The following GMPR variants were observed in gnomAD, a reference collection of about 807,000 sequenced individuals.
GMPR encodes the protein guanosine monophosphate reductase, also known as GMP reductase 1.
In GMPR, 31 loss-of-function variants were observed where a neutral mutation model predicts 38.4. That is an observed-to-expected ratio of 0.81 (90% confidence interval 0.61 to 1.09). The LOEUF (loss-of-function observed/expected upper bound fraction) is 1.09. GMPR is among the 50% of genes least tolerant of loss of function. The pLI, the probability that GMPR is intolerant of heterozygous loss-of-function variation, is 0.00. For synonymous variants in GMPR, 162 were observed against 173.3 expected, an observed-to-expected ratio of 0.93 and a Z score of 0.51; for missense variants, 468 against 453.7, an observed-to-expected ratio of 1.03 and a Z score of -0.29.
intron 4 of GMPR, among the ~76,000 whole-genome samples, chr6:16,257,176 C>G (rs953839271): frequency 7.9e-5 from 12 of 152,170 alleles, no homozygotes; most frequent in African/African-American, 2.4e-4. Context: ...GAGGCCTTCA[C>G]AGAAACCCCC....
At chr6:16,245,816 G>C (rs941699679) in intron 1 of GMPR, among the ~76,000 whole-genome samples, 1 of 152,226 alleles carries the variant, frequency 6.6e-6, no homozygotes, top group Non-Finnish European at 1.5e-5. Context: ...GGGAAAGCTG[G>C]AACAAGGAAT....
intron 4 of GMPR, among the ~76,000 whole-genome samples, chr6:16,268,856 T>C (rs893524245): frequency 1.3e-5 from 2 of 151,812 alleles, no homozygotes; most frequent in South Asian, 2.1e-4. Flanking sequence ...TAAAAACTTA[T>C]TTACTAACAA....
At chr6:16,290,701 T>C (rs1322089537) in intron 8 of GMPR, 80 bp downstream of exon 8, 1 of 1,218,718 alleles carries the variant, frequency 8.2e-7, no homozygotes, top group Non-Finnish European at 1.2e-6. Flanking sequence ...CAGGTCTGAA[T>C]AGCAGCTCTG....
intron 4 of GMPR, among the ~76,000 whole-genome samples, chr6:16,266,782 C>T (rs912255649): frequency 2.0e-5 from 3 of 151,332 alleles, no homozygotes; most frequent in South Asian, 4.2e-4. Flanking sequence ...GAGCGAGACT[C>T]CGTCTCAAAA....
rs949528515 is a variant in GMPR at position 16,290,117 on chromosome 6, C to T, written c.698-345C>T. On this transcript the variant is annotated intron_variant, in intron 7 of 8. Transcript: ENST00000259727. ...TACAGGGCTGAGCCACTGTGCCTGG[C>T]AGAATACTCCCCAATCTTAATGTTT... 4.5e-5 allele frequency: 9 copies of T among 202,238 alleles called. No homozygotes were observed. The South Asian group carries it at 5.7e-4, about 13-fold the overall frequency. The allele number at this position is 202,238 out of a possible 1,614,324, so 12.5% of individuals were successfully genotyped here. A position where few individuals can be genotyped will look rare whatever the true frequency, so the allele number is the denominator to read the frequency against.
intron 4 of GMPR, among the ~76,000 whole-genome samples, chr6:16,260,498 A>C (rs1220230764): frequency 1.3e-5 from 2 of 152,044 alleles, no homozygotes; most frequent in African/African-American, 4.8e-5. Context: ...TGTCGAGTAA[A>C]GCTAATTTGC....
At chr6:16,279,066 G>A (rs142568016) in intron 6 of GMPR, among the ~76,000 whole-genome samples, 176 bp downstream of exon 6, 1 of 152,242 alleles carries the variant, frequency 6.6e-6, no homozygotes, top group African/African-American at 2.4e-5. Flanking sequence ...CACAGTGAGG[G>A]TGGCAGGCCC....
At chr6:16,270,623 C>T (rs533834787) in intron 4 of GMPR, among the ~76,000 whole-genome samples, 1 of 152,330 alleles carries the variant, frequency 6.6e-6, no homozygotes, top group South Asian at 2.1e-4. Flanking sequence ...TTCCTCTTTT[C>T]CCTTATTTTG....
chr6:16,265,620 GCTGTGTCTAGCTAAAGCAGCA>G (rs1340914488), intron 4 of GMPR, among the ~76,000 whole-genome samples: 187 of 145,584 alleles, frequency 1.3e-3, no homozygotes, highest in South Asian at 9.8e-3. Flanking sequence ...ACCAAGCAGC[GCTGTGTCTAGCTAAAGCAGCA>G]CTGTGTCTAG....
intron 7 of GMPR, 194 bp from the exon 8 acceptor site, chr6:16,290,268 A>T (rs1266997918): frequency 7.7e-6 from 5 of 648,578 alleles, no homozygotes; most frequent in Non-Finnish European, 2.8e-6. Context: ...GCAGTGTCCC[A>T]TGGCCCTTTC....
chr6:16,279,917 C>T lies in GMPR; in HGVS notation c.654+1027C>T, dbSNP rs569958583. On this transcript the variant is annotated intron_variant, in intron 6 of 8. Transcript: ENST00000259727. ...TAAAAAAGAGAGCCCAGCTGGGACG[C>T]GTTAGTAATTCAGGAGGGGGAGGTG... Among the ~76,000 whole-genome samples the T allele has an allele frequency of 7.9e-4, 120 of 152,254 alleles. 2 individuals are homozygous for T. In the South Asian group the frequency reaches 0.024, roughly 30 times the overall value.
At chr6:16,251,711 G>A (rs1477317250) in intron 3 of GMPR, among the ~76,000 whole-genome samples, 9 of 152,078 alleles carry the variant, frequency 5.9e-5, no homozygotes, top group Non-Finnish European at 1.3e-4. Context: ...GTGGTTAAGG[G>A]GTATGAGACT....
chr6:16,269,753 C>T lies in GMPR; in HGVS notation c.466-4662C>T, dbSNP rs538071446. ...TTGAGGTTACAATGAGCTGTGATTG[C>T]GCCATTGCACTCCAGCCTGGGTGAC... On this transcript the variant is annotated intron_variant, in intron 4 of 8. Transcript: ENST00000259727. Among the ~76,000 whole-genome samples, 7 of 152,252 alleles carry T rather than the reference C, an allele frequency of 4.6e-5. No homozygotes were observed. The East Asian group carries it at 5.8e-4, about 13-fold the overall frequency.
chr6:16,268,661 T>A (rs952701324), intron 4 of GMPR, among the ~76,000 whole-genome samples: 4 of 152,158 alleles, frequency 2.6e-5, no homozygotes, highest in African/African-American at 9.7e-5. Flanking sequence ...TTGCCAACCC[T>A]TGCCTTTTAT....
At chr6:16,259,824 T>A (rs903861528) in intron 4 of GMPR, among the ~76,000 whole-genome samples, 5 of 152,138 alleles carry the variant, frequency 3.3e-5, no homozygotes, top group African/African-American at 1.2e-4. Context: ...CAAAGATTAT[T>A]TATTTACTTC....
intron 4 of GMPR, among the ~76,000 whole-genome samples, chr6:16,256,902 G>A (rs1252886523): frequency 6.6e-6 from 1 of 152,134 alleles, no homozygotes; most frequent in Non-Finnish European, 1.5e-5. Flanking sequence ...TTCCTGGGTG[G>A]TAGGAGTAGC....
chr6:16,266,335 G>A (rs1759222949), intron 4 of GMPR, among the ~76,000 whole-genome samples: 1 of 144,146 alleles, frequency 6.9e-6, no homozygotes, highest in Admixed American at 6.8e-5. Flanking sequence ...ACAACTCTGG[G>A]TGCGCCACCT....
chr6:16,267,493 C>CT (rs767866998), intron 4 of GMPR, among the ~76,000 whole-genome samples: 2 of 152,122 alleles, frequency 1.3e-5, no homozygotes, highest in Non-Finnish European at 2.9e-5. Context: ...AGAGCTGTAA[C>CT]ACTCACTGCA....
chr6:16,289,847 A>ATTTTTTTTTTTTTTTTTTTTTTT (rs1438743321), intron 7 of GMPR: 2 of 90,124 alleles, frequency 2.2e-5, no homozygotes, highest in Non-Finnish European at 4.2e-5. Context: ...GATACTGCCC[A>ATTTTTTTTTTTTTTTTTTTTTTT]ATTTTTTTTT....
Sources: gnomAD v4.1 joint callset for allele counts (sites outside exome capture counted in the v4.1 genomes callset) on GRCh38, gnomAD v4.1.1 for gene constraint, MANE v1.5 for transcripts, NCBI Gene and HGNC (gene_info 2026-07-23, HGNC 2026-07-21) for gene names.